MTCL2: variants seen among roughly 807,000 people sequenced by gnomAD.
MTCL2 encodes microtubule cross-linking factor 2.
the MTCL2 span, among the ~76,000 whole-genome samples, chr20:36,796,299 G>C: frequency 6.6e-6 from 1 of 152,200 alleles, no homozygotes; most frequent in Non-Finnish European, 1.5e-5. Context: ...CAAGGTCATA[G>C]AGCTAGAACT....
chr20:36,814,576 C>A, the MTCL2 span, among the ~76,000 whole-genome samples: 2 of 151,998 alleles, frequency 1.3e-5, no homozygotes, highest in South Asian at 4.2e-4. Context: ...TGGCAAGATT[C>A]CATCTCTACA....
chr20:36,836,544 A>G, the MTCL2 span, among the ~76,000 whole-genome samples: 1 of 151,510 alleles, frequency 6.6e-6, no homozygotes, highest in East Asian at 1.9e-4. Context: ...GGGTTTCACC[A>G]TGTTGGCCAG....
chr20:36,791,135 C>T, the MTCL2 span, among the ~76,000 whole-genome samples: 2 of 151,600 alleles, frequency 1.3e-5, no homozygotes, highest in Admixed American at 6.6e-5. Context: ...CCTGGGTTCA[C>T]GCGATTCTCC....
the MTCL2 span, among the ~76,000 whole-genome samples, chr20:36,788,842 T>C: frequency 1.5e-4 from 23 of 151,360 alleles, no homozygotes; most frequent in East Asian, 3.1e-3. Context: ...GTTTAGCTCT[T>C]GTTGCCCAGG....
the MTCL2 span, chr20:36,781,155 G>GTTTGGTTT: frequency 6.6e-6 from 1 of 152,160 alleles, no homozygotes; most frequent in Admixed American, 6.5e-5. Flanking sequence ...AAAATCCTGA[G>GTTTGGTTT]TAATTAAATC....
At chr20:36,797,560 G>T in the MTCL2 span, 2 of 1,556,348 alleles carry the variant, frequency 1.3e-6, no homozygotes, top group South Asian at 2.4e-5. Flanking sequence ...CCAGGGGTCG[G>T]CAGCCTTCTG....
the MTCL2 span, among the ~76,000 whole-genome samples, chr20:36,796,594 T>C: frequency 5.9e-5 from 9 of 152,144 alleles, no homozygotes; most frequent in African/African-American, 2.2e-4. Flanking sequence ...GAGCAAAATG[T>C]TTTGTTTCCA....
At chr20:36,810,042 G>T in the MTCL2 span, 1 of 1,600,752 alleles carries the variant, frequency 6.2e-7, no homozygotes, top group Non-Finnish European at 8.5e-7. Flanking sequence ...GCTCCTGGGA[G>T]AGCTGCTCTT....
At chr20:36,813,905 T>G in the MTCL2 span, among the ~76,000 whole-genome samples, 1 of 152,072 alleles carries the variant, frequency 6.6e-6, no homozygotes, top group East Asian at 1.9e-4. Flanking sequence ...CATTGTCTCT[T>G]CACTCAGTGT....
chr20:36,812,667 C>T, the MTCL2 span: 2 of 1,607,802 alleles, frequency 1.2e-6, no homozygotes, highest in African/African-American at 1.3e-5. Flanking sequence ...TCACTCTCCT[C>T]CTACCCAATC....
At chr20:36,804,625 G>A in the MTCL2 span, 36 of 1,416,510 alleles carry the variant, frequency 2.5e-5, no homozygotes, top group East Asian at 5.1e-4. Flanking sequence ...GTGAAGCAAC[G>A]GCATTCTTAT....
chr20:36,846,097 T>C, the MTCL2 span, among the ~76,000 whole-genome samples: 1 of 151,952 alleles, frequency 6.6e-6, no homozygotes, highest in African/African-American at 2.4e-5. Context: ...TCCCAGCTGT[T>C]TGGGAGGCTG....
the MTCL2 span, among the ~76,000 whole-genome samples, chr20:36,807,660 C>A: frequency 6.6e-6 from 1 of 152,074 alleles, no homozygotes; most frequent in African/African-American, 2.4e-5. Flanking sequence ...GCTCCGCCCC[C>A]ACGTTTCCTG....
At chr20:36,802,355 A>G in the MTCL2 span, among the ~76,000 whole-genome samples, 8 of 152,194 alleles carry the variant, frequency 5.3e-5, no homozygotes, top group African/African-American at 1.9e-4. Context: ...AGAGCAGCCT[A>G]TGGTAGGTGG....
the MTCL2 span, among the ~76,000 whole-genome samples, chr20:36,855,766 G>C: frequency 6.6e-6 from 1 of 152,174 alleles, no homozygotes; most frequent in Non-Finnish European, 1.5e-5. Context: ...CACTAGAAAG[G>C]ATCACATCCC....
At chr20:36,848,737 G>C in the MTCL2 span, among the ~76,000 whole-genome samples, 1 of 152,200 alleles carries the variant, frequency 6.6e-6, no homozygotes, top group African/African-American at 2.4e-5. Context: ...CCAGAACTCA[G>C]GGAGTCCATG....
the MTCL2 span, chr20:36,803,165 C>G: frequency 9.1e-6 from 14 of 1,530,150 alleles, no homozygotes; most frequent in South Asian, 1.7e-4. Flanking sequence ...CTTGGCCCTT[C>G]TCTCTCCTTC....
chr20:36,816,423 C>CCAGA, the MTCL2 span: 1 of 888,268 alleles, frequency 1.1e-6, no homozygotes, highest in Middle Eastern at 3.4e-4. Context: ...TCAGACACAG[C>CCAGA]CAGACCCTCA....
chr20:36,840,062 C>T, the MTCL2 span, among the ~76,000 whole-genome samples: 2 of 152,092 alleles, frequency 1.3e-5, no homozygotes, highest in African/African-American at 2.4e-5. Flanking sequence ...CGGGGTTTCA[C>T]CATGTTGGCC....
Sources: gnomAD v4.1 joint callset for allele counts (sites outside exome capture counted in the v4.1 genomes callset) on GRCh38, gnomAD v4.1.1 for gene constraint, MANE v1.5 for transcripts, NCBI Gene and HGNC (gene_info 2026-07-23, HGNC 2026-07-21) for gene names.